Variants in RXRA observed in about 807,000 individuals in gnomAD.
RXRA encodes retinoid X receptor alpha, also known as retinoic acid receptor RXR-alpha.
A neutral mutation model predicts 44.5 loss-of-function variants in RXRA; 5 were observed. The observed-to-expected ratio is 0.11, with a 90% confidence interval of 0.06 to 0.24. The LOEUF is 0.24. Among genes scored for constraint, RXRA ranks in the 10% least tolerant of loss-of-function variants. The pLI, the probability that RXRA is intolerant of heterozygous loss-of-function variation, is 1.00. For missense variants in RXRA, 412 were observed against 646.5 expected, an observed-to-expected ratio of 0.64 and a Z score of 3.93; for synonymous variants, 291 against 271.4, an observed-to-expected ratio of 1.07 and a Z score of -0.71.
At chr9:134,395,764 G>A (rs1830868438) in intron 1 of RXRA, among the ~76,000 whole-genome samples, 1 of 152,276 alleles carries the variant, frequency 6.6e-6, no homozygotes, top group Admixed American at 6.5e-5. Flanking sequence ...CTCCTGTGGA[G>A]GCAGGCCTGG....
At chr9:134,337,716 G>A (rs1830027774) in intron 1 of RXRA, among the ~76,000 whole-genome samples, 1 of 152,162 alleles carries the variant, frequency 6.6e-6, no homozygotes, top group African/African-American at 2.4e-5. Flanking sequence ...CCTCACACCT[G>A]TGTCTTCACT....
intron 2 of RXRA, among the ~76,000 whole-genome samples, chr9:134,406,789 C>T (rs898838850): frequency 2.0e-5 from 3 of 152,270 alleles, no homozygotes; most frequent in Non-Finnish European, 2.9e-5. Context: ...GCATCTGGGA[C>T]ACCCAGGGTT....
intron 1 of RXRA, among the ~76,000 whole-genome samples, chr9:134,389,527 A>G (rs1830769865): frequency 6.6e-6 from 1 of 151,940 alleles, no homozygotes; most frequent in Admixed American, 6.5e-5. Context: ...GGGCATCTCT[A>G]TCCTAGGCCT....
chr9:134,329,189 G>A (rs936112272), intron 1 of RXRA, among the ~76,000 whole-genome samples: 10 of 152,222 alleles, frequency 6.6e-5, no homozygotes, highest in African/African-American at 2.2e-4. Flanking sequence ...GGCACTTGGG[G>A]GCCTGGGTGA....
In RXRA at chr9:134,379,627, C is replaced by T. The variant is rs73554148; in HGVS notation, c.29-22005C>T. On this transcript the variant is annotated intron_variant, in intron 1 of 9. Coordinates refer to ENST00000481739, the MANE Select transcript of RXRA (RefSeq NM_002957.6). Reference sequence around the variant, plus strand: ...CCTGACAGCCGCAGGGTCTCACCCTCCTGCTCCAGCCCCTCTCTGACCCCA... The same window carrying T: ...CCTGACAGCCGCAGGGTCTCACCCTTCTGCTCCAGCCCCTCTCTGACCCCA... The T allele has an allele frequency of 7.0e-3, 6,856 of 985,244 alleles. 385 individuals are homozygous for T. In the African/African-American group the frequency reaches 0.11, roughly 16 times the overall value. The allele number at this position is 985,244 out of a possible 1,614,324, so 61.0% of individuals were successfully genotyped here.
chr9:134,417,463 G>A lies in RXRA; in HGVS notation c.780+136G>A, dbSNP rs371144015. ...CTGGGCCCTGTGGCTGCCTCAGCTC[G>A]GCCTCTTACCTGAGGTGACCCCGTG... On this transcript the variant is annotated intron_variant, in intron 5 of 9. Coordinates refer to ENST00000481739, the MANE Select transcript of RXRA (RefSeq NM_002957.6). This position sits in a 1 kb window ranked among gnomAD's most constrained non-coding sequence, Gnocchi z 6.1. 1.2e-5 allele frequency: 13 copies of A among 1,044,644 alleles called. No homozygotes were observed. Among genetic ancestry groups the A allele is most frequent in the Non-Finnish European group, 1.6e-5 (12 of 728,178 alleles). 64.7% of individuals were successfully genotyped at this position (1,044,644 alleles called of 1,614,324 possible).
At chr9:134,370,981 G>A (rs550717112) in intron 1 of RXRA, among the ~76,000 whole-genome samples, 12 of 152,140 alleles carry the variant, frequency 7.9e-5, no homozygotes, top group East Asian at 7.8e-4. Flanking sequence ...GGCAGGAGCC[G>A]GAGGGCTTGG....
At chr9:134,379,612 G>T (rs1013302273) in intron 1 of RXRA, 56 of 985,214 alleles carry the variant, frequency 5.7e-5, no homozygotes, top group Non-Finnish European at 6.7e-5. Context: ...CCTGACAGCC[G>T]CAGGGTCTCA....
intron 1 of RXRA, among the ~76,000 whole-genome samples, chr9:134,327,103 C>T (rs1834928277): frequency 6.6e-6 from 1 of 152,048 alleles, no homozygotes; most frequent in South Asian, 2.1e-4. Flanking sequence ...GCCCGTCGGG[C>T]TGCGGCTTCT....
At chr9:134,402,532 G>A (rs1241944678) in intron 2 of RXRA, 1 of 152,368 alleles carries the variant, frequency 6.6e-6, no homozygotes, top group Non-Finnish European at 1.5e-5. Flanking sequence ...ATCAGGAAGG[G>A]CTGGTGCCTG....
At position 134,366,396 on chromosome 9, in the gene RXRA, C is replaced by T. The variant is rs1367855421; in HGVS notation, c.29-35236C>T. Among the ~76,000 whole-genome samples the T allele has an allele frequency of 1.3e-5, 2 of 152,176 alleles. No homozygotes were observed. Among genetic ancestry groups the T allele is most frequent in the African/African-American group, 4.8e-5 (2 of 41,446 alleles). ...GTGATCTCAGACGGTTCCCAGCTTC[C>T]TCTGCAGGGCGGGGCTGCTCCAGTC... On this transcript the variant is annotated intron_variant, in intron 1 of 9. Coordinates refer to ENST00000481739, the MANE Select transcript of RXRA (RefSeq NM_002957.6). The surrounding 1 kb of genome is among the most constrained non-coding windows in gnomAD (Gnocchi z 5.9).
At chr9:134,425,816 G>A in intron 6 of RXRA, 1 of 985,426 alleles carries the variant, frequency 1.0e-6, no homozygotes, top group Non-Finnish European at 1.2e-6. Flanking sequence ...GTGACTCTGG[G>A]GGGGCCCTGC....
intron 1 of RXRA, among the ~76,000 whole-genome samples, chr9:134,337,076 G>A (rs1168488281): frequency 6.6e-6 from 1 of 152,184 alleles, no homozygotes; most frequent in Non-Finnish European, 1.5e-5. Context: ...GCAGTGCTCA[G>A]CGTGTTGGAG....
rs149298680 is a variant in RXRA at position 134,408,995 on chromosome 9, G to C, written c.486G>C (p.Thr162=). The C allele has an allele frequency of 5.3e-5, 85 of 1,608,656 alleles. No homozygotes were observed. The highest frequency in any genetic ancestry group is 5.1e-5 in the Non-Finnish European group (60 of 1,177,658). Reference sequence around the variant, plus strand: ...GGTGCAAGGGCTTCTTCAAGCGGACGGTGCGCAAGGACCTGACCTACACCT... The same window carrying C: ...GGTGCAAGGGCTTCTTCAAGCGGACCGTGCGCAAGGACCTGACCTACACCT... ...CEGCKGFFKR[T]VRKDLTYTCR... is the part of the protein sequence containing the mutation. Residue 162 remains threonine, a synonymous_variant, in exon 4 of 10, where the codon ACG becomes ACC. Coordinates refer to ENST00000481739, the MANE Select transcript of RXRA (RefSeq NM_002957.6).
chr9:134,408,947 C>A lies in RXRA; in HGVS notation c.438C>A (p.His146Gln). 6.3e-7 allele frequency: 1 copy of A among 1,577,356 alleles called. No homozygotes were observed. Among genetic ancestry groups the A allele is most frequent in the Non-Finnish European group, 8.6e-7 (1 of 1,161,082 alleles). The change falls in exon 4 of 10, where the codon CAC (histidine) becomes CAA (glutamine). Residue 146 changes from histidine to glutamine, a missense_variant. By Grantham distance (24) the His-to-Gln change is conservative. Transcript: ENST00000481739. The stretch of plus-strand genomic sequence containing the variant: ...CTCTGCCCTGTCCCGCAGGCAAGCA[C>A]TATGGAGTGTACAGCTGCGAGGGGT... ...AICGDRSSGK[H>Q]YGVYSCEGCK...
chr9:134,363,791 G>A (rs1830381960), intron 1 of RXRA, among the ~76,000 whole-genome samples: 1 of 152,198 alleles, frequency 6.6e-6, no homozygotes, highest in African/African-American at 2.4e-5. Context: ...AGGGCCGGAG[G>A]TGCGACCTGA....
At chr9:134,381,657 A>T (rs1276695419) in intron 1 of RXRA, among the ~76,000 whole-genome samples, 1 of 151,922 alleles carries the variant, frequency 6.6e-6, no homozygotes, top group Non-Finnish European at 1.5e-5. Context: ...GCCTTGAGGG[A>T]TCTGGCCGGC....
rs1333292225 is a variant in RXRA, at chr9:134,429,578, T to C, written c.1043+338T>C. ...AGTTTTGTAAAAGTGTCAATTCCAG[T>C]TGGCATGTCGCAGGCTGCTTGAGGC... On this transcript the variant is annotated intron_variant, in intron 7 of 9. Transcript: ENST00000481739. Among the ~76,000 whole-genome samples the C allele has an allele frequency of 2.6e-5, 4 of 152,348 alleles. No homozygotes were observed. The South Asian group carries it at 6.2e-4, about 24-fold the overall frequency.
At chr9:134,379,918 C>A (rs535222425) in intron 1 of RXRA, 1 of 985,302 alleles carries the variant, frequency 1.0e-6, no homozygotes, top group Non-Finnish European at 1.2e-6. Flanking sequence ...GCCTGCTGGT[C>A]TCTGGGTCTG....
Sources: gnomAD v4.1 joint callset for allele counts (sites outside exome capture counted in the v4.1 genomes callset) on GRCh38, gnomAD v4.1.1 for gene constraint, Gnocchi (gnomAD v3.1) non-coding constraint, MANE v1.5 for transcripts, NCBI Gene and HGNC (gene_info 2026-07-23, HGNC 2026-07-21) for gene names.